LCMT2: variants seen among roughly 807,000 people sequenced by gnomAD.
LCMT2 encodes tRNA wybutosine-synthesizing protein 4.
LCMT2 carries 34 observed loss-of-function variants against 42.0 expected under a neutral mutation model. That is an observed-to-expected ratio of 0.81 (90% confidence interval 0.62 to 1.08). The LOEUF (loss-of-function observed/expected upper bound fraction) is 1.08. Among genes scored for constraint, LCMT2 ranks in the 50% least tolerant of loss-of-function variants. LCMT2 has a pLI of 0.00. For synonymous variants in LCMT2, 445 were observed against 369.5 expected (o/e 1.20, Z -2.34); for missense variants, 1,091 against 889.4 (o/e 1.23, Z -2.88).
rs561380150 is a variant in LCMT2 at position 43,329,346 on chromosome 15, G to A, written c.1144C>T (p.Arg382Trp). The A allele has an allele frequency of 2.5e-6, 4 of 1,614,048 alleles. No individual in the cohort carries two copies. Among genetic ancestry groups the A allele is most frequent in the East Asian group, 2.2e-5 (1 of 44,892 alleles). ...SAGGFGEQEG[R>W]HCRVSQFHLL... is the part of the protein sequence containing the mutation. ...TGAAACTGGCTCACTCGGCAGTGCC[G>A]CCCCTCCTGCTCTCCAAATCCTCCT... The change falls in exon 1 of 1, where the codon CGG becomes TGG. Residue 382 changes from arginine to tryptophan, a missense_variant. Arg to Trp is a moderately radical substitution (Grantham distance 101, BLOSUM62 -3). Transcript: ENST00000305641.
Position 43,329,894 on chromosome 15 carries a change from G to A in LCMT2, c.596C>T (p.Ala199Val), listed in dbSNP as rs1001536599. The A allele has an allele frequency of 6.2e-7, 1 of 1,613,070 alleles. No individual in the cohort carries two copies. The highest frequency in any genetic ancestry group is 1.7e-5 in the Admixed American group (1 of 59,992). ...GGCTGCCCAGGCGATGAGGGCCGCG[G>A]CACTCTCCGGCTCGAGGTAGGTCAG... ...AVLTYLEPES[A>V]AALIAWAAQR... Residue 199 changes from alanine to valine, a missense_variant, in exon 1 of 1, where the codon GCC (alanine) becomes GTC (valine). By Grantham distance (64) the Ala-to-Val change is moderately conservative (BLOSUM62 0). Transcript: ENST00000305641.
At position 43,328,854 on chromosome 15, in the gene LCMT2, C is replaced by T; in HGVS notation, c.1636G>A (p.Ala546Thr). 2 of 1,613,760 alleles carry T rather than the reference C, an allele frequency of 1.2e-6. No individual in the cohort carries two copies. The highest frequency in any genetic ancestry group is 1.7e-6 in the Non-Finnish European group (2 of 1,179,988). ...SHSACTWQGG[A>T]LIAGGLGASE... ...GCCCCGAGACCTCCAGCAATAAGGG[C>T]TCCCCCTTGCCAAGTGCAGGCACTG... Residue 546 changes from alanine (A) to threonine (T), a missense_variant, in exon 1 of 1, where the codon GCC becomes ACC. Ala to Thr is a moderately conservative substitution (Grantham distance 58, BLOSUM62 0). Coordinates refer to ENST00000305641, the MANE Select transcript of LCMT2 (RefSeq NM_014793.5).
chr15:43,330,408 C>T lies in LCMT2; in HGVS notation c.82G>A (p.Ala28Thr), dbSNP rs749847027. The change falls in exon 1 of 1, where the codon GCC (alanine) becomes ACC (threonine). Residue 28 changes from alanine (A) to threonine (T), a missense_variant. Physicochemically the swap from Ala to Thr is moderately conservative, Grantham distance 58. Coordinates refer to ENST00000305641, the MANE Select transcript of LCMT2 (RefSeq NM_014793.5). ...GGGTCCTGCACGTACCCGCGCGCGG[C>T]CAGGGAACGCTTGCTGAGGGCGCTG... The part of the protein sequence containing the change: ...DSSALSKRSL[A>T]ARGYVQDPFA... The T allele has an allele frequency of 3.2e-6, 5 of 1,572,228 alleles. No individual in the cohort carries two copies. Among genetic ancestry groups the T allele is most frequent in the East Asian group, 4.5e-5 (2 of 44,648 alleles).
rs1348687425 is a variant in LCMT2 at position 43,326,050 on chromosome 15, T to C, written c.*2379A>G. On this transcript the variant is annotated 3_prime_UTR_variant, in exon 1 of 1. Coordinates refer to ENST00000305641, the MANE Select transcript of LCMT2 (RefSeq NM_014793.5). ...AGATGGATAATTTTTTTTTTTTTTT[T>C]TTTTTTTTTTTTTTTTTGGGTAGAG... 1 of 139,772 alleles carries C rather than the reference T, an allele frequency of 7.2e-6. No individual in the cohort carries two copies. Among genetic ancestry groups the C allele is most frequent in the Non-Finnish European group, 1.6e-5 (1 of 63,420 alleles). The allele number at this position is 139,772 out of a possible 1,614,324, so 8.7% of individuals were successfully genotyped here. A position where few individuals can be genotyped will look rare whatever the true frequency, so the allele number is the denominator to read the frequency against.
chr15:43,330,482 G>C lies in LCMT2; in HGVS notation c.8C>G (p.Pro3Arg), dbSNP rs2043178390. 1.3e-6 allele frequency: 2 copies of C among 1,521,266 alleles called. No homozygotes were observed. The highest frequency in any genetic ancestry group is 1.8e-6 in the Non-Finnish European group (2 of 1,139,560). 94.2% of individuals were successfully genotyped at this position (1,521,266 alleles called of 1,614,324 possible). Residue 3 changes from proline to arginine, a missense_variant, in exon 1 of 1, where the codon CCC becomes CGC. By Grantham distance (103) the Pro-to-Arg change is moderately radical. Transcript: ENST00000305641. MG[P>R]RSRERRAGAV... ...GCCTGCCCGACGCTCACGGCTCCGG[G>C]GGCCCATGGCCAGAAGAGACTCAGG...
Position 43,329,278 on chromosome 15 carries a change from T to A in LCMT2, c.1212A>T (p.Gln404His), listed in dbSNP as rs1458901615. The A allele has an allele frequency of 6.2e-7, 1 of 1,613,980 alleles. No homozygotes were observed. Among genetic ancestry groups the A allele is most frequent in the Admixed American group, 1.7e-5 (1 of 60,010 alleles). The change falls in exon 1 of 1, where the codon CAA becomes CAT. Residue 404 changes from glutamine to histidine, a missense_variant. Coordinates refer to ENST00000305641, the MANE Select transcript of LCMT2 (RefSeq NM_014793.5). ...GAACTCCAGTCCCACAACTGCCTATTTGGCTGCCTTTCCATTCAGAGTCAC... is the reference window on the plus strand; with the variant it reads ...GAACTCCAGTCCCACAACTGCCTATATGGCTGCCTTTCCATTCAGAGTCAC... ...RDCDSEWKGS[Q>H]IGSCGTGVQW...
chr15:43,330,540 T>G lies in LCMT2; in HGVS notation c.-51A>C. ...GTCTGTCACGGTTGTGAGCCGCCCC[T>G]TGGTTAGCACACACCTCACGGACCT... On this transcript the variant is annotated 5_prime_UTR_variant, in exon 1 of 1. Transcript: ENST00000305641. 2 of 1,503,756 alleles carry G rather than the reference T, an allele frequency of 1.3e-6. No homozygotes were observed. Among genetic ancestry groups the G allele is most frequent in the South Asian group, 2.7e-5 (2 of 73,782 alleles). 93.2% of individuals were successfully genotyped at this position (1,503,756 alleles called of 1,614,324 possible). A position where few individuals can be genotyped will look rare whatever the true frequency, so the allele number is the denominator to read the frequency against.
rs2043148458 is a variant in LCMT2 at position 43,329,406 on chromosome 15, A to T, written c.1084T>A (p.Ser362Thr). ...ATAACGTCTGGGCTCAAGAAGACAG[A>T]GGCGTGGCCATATCTCTTCAGGTTT... ...VPNLKRYGHASVFLSPDVILS... is the reference protein window; with the variant it reads ...VPNLKRYGHATVFLSPDVILS... Residue 362 changes from serine (S) to threonine (T), a missense_variant, in exon 1 of 1, where the codon TCT becomes ACT. By Grantham distance (58) the Ser-to-Thr change is moderately conservative (BLOSUM62 1). Coordinates refer to ENST00000305641, the MANE Select transcript of LCMT2 (RefSeq NM_014793.5). 1 of 1,614,026 alleles carries T rather than the reference A, an allele frequency of 6.2e-7. No homozygotes were observed. The highest frequency in any genetic ancestry group is 8.5e-7 in the Non-Finnish European group (1 of 1,180,048).
In LCMT2 at chr15:43,330,015, C is replaced by G; in HGVS notation, c.475G>C (p.Gly159Arg). 1.2e-6 allele frequency: 2 copies of G among 1,612,728 alleles called. No homozygotes were observed. Among genetic ancestry groups the G allele is most frequent in the Non-Finnish European group, 1.7e-6 (2 of 1,179,934 alleles). ...CGCTGGAGCTGCCGCAAGTCCAGAC[C>G]CAGGATGCAGTAGTCTGCGCTCTCA... ...CFESADYCIL[G>R]LDLRQLQRVE... is the part of the protein sequence containing the mutation. Residue 159 changes from glycine (G) to arginine (R), a missense_variant, in exon 1 of 1, where the codon GGT becomes CGT. By Grantham distance (125) the Gly-to-Arg change is moderately radical. Transcript: ENST00000305641.
In LCMT2 at chr15:43,328,379, TG is replaced by T; in HGVS notation, c.*49del. ...TATAGCTAGAGGGTCATCCTATTTG[TG>T]GAAAACTTTATTGTCTACTTTAGTG... On this transcript the variant is annotated 3_prime_UTR_variant, in exon 1 of 1. Coordinates refer to ENST00000305641, the MANE Select transcript of LCMT2 (RefSeq NM_014793.5). The T allele has an allele frequency of 6.5e-7, 1 of 1,548,374 alleles. No homozygotes were observed. Among genetic ancestry groups the T allele is most frequent in the Non-Finnish European group, 8.7e-7 (1 of 1,144,736 alleles).
Position 43,328,935 on chromosome 15 carries a change from T to C in LCMT2, c.1555A>G (p.Met519Val), listed in dbSNP as rs576883277. The stretch of plus-strand genomic sequence containing the variant: ...TCCACTGGGATCCTGACCCAAGCCA[T>C]TGTCCCTACATGGAGGAAATGCCAG... The part of the protein sequence containing the change: ...SDWHFLHVGT[M>V]AWVRIPVEGE... The change falls in exon 1 of 1, where the codon ATG becomes GTG. Residue 519 changes from methionine to valine, a missense_variant. Physicochemically the swap from Met to Val is conservative, Grantham distance 21. Transcript: ENST00000305641. The C allele has an allele frequency of 8.7e-6, 14 of 1,614,152 alleles. No individual in the cohort carries two copies. The highest frequency in any genetic ancestry group is 6.7e-5 in the Admixed American group (4 of 60,026).
rs1293289207 is a variant in LCMT2, at chr15:43,328,221, T to G, written c.*208A>C. 3.5e-6 allele frequency: 2 copies of G among 572,842 alleles called. No homozygotes were observed. The highest frequency in any genetic ancestry group is 3.0e-6 in the Non-Finnish European group (1 of 328,000). The allele number at this position is 572,842 out of a possible 1,614,324, so 35.5% of individuals were successfully genotyped here. ...AGACCACTACTCCTCTCGGACTGCA[T>G]GGCCACTGTCTTCAGCTGTTTTCTG... On this transcript the variant is annotated 3_prime_UTR_variant, in exon 1 of 1. Coordinates refer to ENST00000305641, the MANE Select transcript of LCMT2 (RefSeq NM_014793.5).
chr15:43,329,765 A>T lies in LCMT2; in HGVS notation c.725T>A (p.Leu242Gln). 2 of 1,613,700 alleles carry T rather than the reference A, an allele frequency of 1.2e-6. No homozygotes were observed. The highest frequency in any genetic ancestry group is 1.7e-6 in the Non-Finnish European group (2 of 1,180,034). Residue 242 changes from leucine to glutamine, a missense_variant, in exon 1 of 1, where the codon CTG becomes CAG. Physicochemically the swap from Leu to Gln is moderately radical, Grantham distance 113. Transcript: ENST00000305641. ...LQHFRQLNSP[L>Q]HGLERFPDVE... ...GTCAGGAAAACGCTCCAGGCCATGC[A>T]GGGGGGAGTTTAGCTGCCGAAAATG...
rs144358240 is a variant in LCMT2, at chr15:43,329,036, G to C, written c.1454C>G (p.Thr485Arg). Reference protein sequence around the residue: ...STLCCWRHSTTEVSCQNQEYL... With the variant: ...STLCCWRHSTREVSCQNQEYL... ...TTCCTGATTCTGACAGGACACTTCT[G>C]TTGTTGAATGCCGCCAACAACACAA... The change falls in exon 1 of 1, where the codon ACA (threonine) becomes AGA (arginine). Residue 485 changes from threonine (T) to arginine (R), a missense_variant. Physicochemically the swap from Thr to Arg is moderately conservative, Grantham distance 71. Transcript: ENST00000305641. 2.5e-6 allele frequency: 4 copies of C among 1,614,168 alleles called. No homozygotes were observed. The highest frequency in any genetic ancestry group is 3.4e-6 in the Non-Finnish European group (4 of 1,180,022).
Position 43,327,624 on chromosome 15 carries a change from C to T in LCMT2, c.*805G>A, listed in dbSNP as rs2043124732. 6.6e-6 allele frequency: 1 copy of T among 152,216 alleles called. No homozygotes were observed. The highest frequency in any genetic ancestry group is 2.1e-4 in the South Asian group (1 of 4,828). 9.4% of individuals were successfully genotyped at this position (152,216 alleles called of 1,614,324 possible). ...TCTCACTCTTCTTTTTGCCCCCATT[C>T]CCCTCTGGTGCCTCTGACTGGTGGA... is the stretch of plus-strand genomic sequence containing the variant. On this transcript the variant is annotated 3_prime_UTR_variant, in exon 1 of 1. Coordinates refer to ENST00000305641, the MANE Select transcript of LCMT2 (RefSeq NM_014793.5).
chr15:43,329,845 G>A lies in LCMT2; in HGVS notation c.645C>T (p.Phe215=). 2 of 1,613,882 alleles carry A rather than the reference G, an allele frequency of 1.2e-6. No homozygotes were observed. Among genetic ancestry groups the A allele is most frequent in the Non-Finnish European group, 1.7e-6 (2 of 1,180,018 alleles). ...GAGGCCTCATCTGCTCATAGACCAC[G>A]AAAAGGGCATTAGGAAAACGCTGGG... ...WAAQRFPNAL[F]VVYEQMRPQD... Residue 215 remains phenylalanine (F), a synonymous_variant, in exon 1 of 1, where the codon TTC becomes TTT. Transcript: ENST00000305641.
At position 43,329,976 on chromosome 15, in the gene LCMT2, G is replaced by A. The variant is rs374787628; in HGVS notation, c.514C>T (p.Leu172=). Residue 172 remains leucine, a synonymous_variant, in exon 1 of 1, where the codon CTG becomes TTG. Coordinates refer to ENST00000305641, the MANE Select transcript of LCMT2 (RefSeq NM_014793.5). ...LRQLQRVEEA[L]GAAGLDAASP... Reference sequence around the variant, plus strand: ...GCTGCGTCGAGCCCCGCGGCGCCCAGGGCCTCCTCCACTCGCTGGAGCTGC... The same window carrying A: ...GCTGCGTCGAGCCCCGCGGCGCCCAAGGCCTCCTCCACTCGCTGGAGCTGC... 2.3e-5 allele frequency: 37 copies of A among 1,612,354 alleles called. No individual in the cohort carries two copies. The highest frequency in any genetic ancestry group is 1.6e-4 in the Middle Eastern group (1 of 6,084).
At position 43,328,916 on chromosome 15, in the gene LCMT2, G is replaced by A. The variant is rs757671878; in HGVS notation, c.1574C>T (p.Pro525Leu). The A allele has an allele frequency of 5.0e-6, 8 of 1,614,042 alleles. No homozygotes were observed. In the South Asian group the frequency reaches 7.7e-5, roughly 16 times the overall value. Residue 525 changes from proline (P) to leucine (L), a missense_variant, in exon 1 of 1, where the codon CCA becomes CTA. Coordinates refer to ENST00000305641, the MANE Select transcript of LCMT2 (RefSeq NM_014793.5). Reference protein sequence around the residue: ...HVGTMAWVRIPVEGEVPEARH... With the variant: ...HVGTMAWVRILVEGEVPEARH... ...GGCTTCAGGTACTTCTCCCTCCACT[G>A]GGATCCTGACCCAAGCCATTGTCCC...
Position 43,329,342 on chromosome 15 carries a change from T to C in LCMT2, c.1148A>G (p.His383Arg). ...AGGFGEQEGR[H>R]CRVSQFHLLS... The stretch of plus-strand genomic sequence containing the variant: ...CAAGTGAAACTGGCTCACTCGGCAG[T>C]GCCGCCCCTCCTGCTCTCCAAATCC... The change falls in exon 1 of 1, where the codon CAC becomes CGC. Residue 383 changes from histidine to arginine, a missense_variant. Coordinates refer to ENST00000305641, the MANE Select transcript of LCMT2 (RefSeq NM_014793.5). The C allele has an allele frequency of 6.2e-7, 1 of 1,614,132 alleles. No individual in the cohort carries two copies. The highest frequency in any genetic ancestry group is 8.5e-7 in the Non-Finnish European group (1 of 1,180,030).
Sources: allele counts gnomAD v4.1 joint callset, GRCh38; gene constraint gnomAD v4.1.1; transcripts MANE v1.5; gene names NCBI Gene and HGNC (gene_info 2026-07-23, HGNC 2026-07-21).